The following RC3H2 variants were observed in gnomAD, a reference collection of about 807,000 sequenced individuals.
RC3H2 encodes the protein roquin-2.
RC3H2 carries 31 observed loss-of-function variants against 133.3 expected under a neutral mutation model. That is an observed-to-expected ratio of 0.23 (90% CI 0.17 to 0.31). The LOEUF (loss-of-function observed/expected upper bound fraction) is 0.31. RC3H2 is among the 10% of genes least tolerant of loss of function. The pLI, the probability that RC3H2 is intolerant of heterozygous loss-of-function variation, is 1.00. For missense variants in RC3H2, 1,175 were observed against 1,437.2 expected (o/e 0.82, Z 2.95); for synonymous variants, 517 against 502.2 (o/e 1.03, Z -0.40).
At chr9:122,869,983 T>TA (rs905206935) in intron 9 of RC3H2, among the ~76,000 whole-genome samples, 10 of 152,238 alleles carry the variant, frequency 6.6e-5, no homozygotes, top group African/African-American at 2.4e-4. Context: ...CAAAGATCCC[T>TA]ATGCCTTCCT....
chr9:122,853,239 C>T (rs976882954), intron 18 of RC3H2, among the ~76,000 whole-genome samples: 12 of 151,468 alleles, frequency 7.9e-5, no homozygotes, highest in Admixed American at 2.0e-4. Context: ...GGGACACAAA[C>T]GCTGCGGAAG....
intron 9 of RC3H2, among the ~76,000 whole-genome samples, chr9:122,875,859 G>A (rs1053755230): frequency 1.3e-5 from 2 of 152,198 alleles, no homozygotes; most frequent in Non-Finnish European, 2.9e-5. Context: ...AGATGATGCA[G>A]GGTCTTAGAG....
At chr9:122,858,233 A>G (rs781121064) in intron 12 of RC3H2, 140 bp from the exon 13 acceptor site, 22 of 711,512 alleles carry the variant, frequency 3.1e-5, no homozygotes, top group Middle Eastern at 3.3e-4. Context: ...TCTATTCTCC[A>G]TACACTTAAA....
chr9:122,856,259 T>G (rs1053527448), intron 13 of RC3H2, among the ~76,000 whole-genome samples: 1 of 152,150 alleles, frequency 6.6e-6, no homozygotes. Flanking sequence ...ATAATTTTCT[T>G]TTTTCTTTTG....
Position 122,846,158 on chromosome 9 carries a change from G to A in RC3H2, c.*3469C>T, listed in dbSNP as rs183757305. ...GCCGTGCATCCTGTAATTTTCTCAA[G>A]GCAGCATATAAAATTGGGATGTGCT... On this transcript the variant is annotated 3_prime_UTR_variant, in exon 21 of 21. Coordinates refer to ENST00000357244, the MANE Select transcript of RC3H2 (RefSeq NM_001100588.3). 1 of 152,226 alleles carries A rather than the reference G, an allele frequency of 6.6e-6. No homozygotes were observed. The highest frequency in any genetic ancestry group is 2.4e-5 in the African/African-American group (1 of 41,532). The allele number at this position is 152,226 out of a possible 1,614,324, so 9.4% of individuals were successfully genotyped here.
chr9:122,858,733 T>C lies in RC3H2; in HGVS notation c.2219A>G (p.Asp740Gly). ...TSLRERYNSL[D>G]GYYSVACQPP... ...CTGACAAGCCACCGAATAATATCCA[T>C]CTAATGAGTTATATCTTTCCCGCAA... is the stretch of plus-strand genomic sequence containing the variant. The change falls in exon 12 of 21, where the codon GAT (aspartate) becomes GGT (glycine). Residue 740 changes from aspartate to glycine, a missense_variant. Transcript: ENST00000357244. 6.2e-7 allele frequency: 1 copy of C among 1,614,144 alleles called. No homozygotes were observed. Among genetic ancestry groups the C allele is most frequent in the Non-Finnish European group, 8.5e-7 (1 of 1,180,050 alleles).
At chr9:122,875,050 CT>C (rs1479658904) in intron 9 of RC3H2, 51 of 1,035,964 alleles carry the variant, frequency 4.9e-5, no homozygotes, top group Non-Finnish European at 6.3e-5. Context: ...CTAAAAAGCT[CT>C]ATTTCAGGTA....
rs1829934894 is a variant in RC3H2, at chr9:122,849,348, C to T, written c.*279G>A. 6.5e-6 allele frequency: 1 copy of T among 152,990 alleles called. No individual in the cohort carries two copies. Among genetic ancestry groups the T allele is most frequent in the Admixed American group, 6.5e-5 (1 of 15,278 alleles). 9.5% of individuals were successfully genotyped at this position (152,990 alleles called of 1,614,324 possible). On this transcript the variant is annotated 3_prime_UTR_variant, in exon 21 of 21. Transcript: ENST00000357244. ...AGTTACTGCACCGGATTGCTACAAA[C>T]TCATAAAAAGCTGCTTGAAGCTTAA...
rs2131373276 is a variant in RC3H2 at position 122,846,988 on chromosome 9, T to C, written c.*2639A>G. 6.6e-6 allele frequency: 1 copy of C among 152,236 alleles called. No individual in the cohort carries two copies. Among genetic ancestry groups the C allele is most frequent in the African/African-American group, 2.4e-5 (1 of 41,568 alleles). The allele number at this position is 152,236 out of a possible 1,614,324, so 9.4% of individuals were successfully genotyped here. ...AGAGAATGGATGCAACACAGAATAATCTCAACACAGAAACAATTCCTATGT... is the reference window on the plus strand; with the variant it reads ...AGAGAATGGATGCAACACAGAATAACCTCAACACAGAAACAATTCCTATGT... On this transcript the variant is annotated 3_prime_UTR_variant, in exon 21 of 21. Transcript: ENST00000357244.
In RC3H2 at chr9:122,849,806, T is replaced by G. The variant is rs1239591125; in HGVS notation, c.3397A>C (p.Ile1133Leu). The G allele has an allele frequency of 6.4e-7, 1 of 1,570,846 alleles. No individual in the cohort carries two copies. The highest frequency in any genetic ancestry group is 8.6e-7 in the Non-Finnish European group (1 of 1,161,902). Reference sequence around the variant, plus strand: ...CTAAAGCAAGAAGTTACCGGCAGAATTGTTTTTTGCTCCTCCCTGAGAAAA... The same window carrying G: ...CTAAAGCAAGAAGTTACCGGCAGAAGTGTTTTTTGCTCCTCCCTGAGAAAA... ...DHVILEEQKT[I>L]LPVTSCFSQP... The change falls in exon 21 of 21, where the codon ATT becomes CTT. Residue 1133 changes from isoleucine (I) to leucine (L), a missense_variant. Physicochemically the swap from Ile to Leu is conservative, Grantham distance 5. Around this residue, in one of 8 missense-constraint regions of RC3H2, gnomAD observed 220 missense variants for 201.1 expected, o/e 1.09. Coordinates refer to ENST00000357244, the MANE Select transcript of RC3H2 (RefSeq NM_001100588.3).
intron 2 of RC3H2, among the ~76,000 whole-genome samples, chr9:122,893,424 G>C (rs1832273246): frequency 6.6e-6 from 1 of 152,194 alleles, no homozygotes; most frequent in South Asian, 2.1e-4. Flanking sequence ...AACCCGGGAG[G>C]CTGAGGTTGC....
chr9:122,898,797 G>C (rs1316650456), intron 1 of RC3H2, among the ~76,000 whole-genome samples: 1 of 148,178 alleles, frequency 6.7e-6, no homozygotes, highest in Admixed American at 6.7e-5. Flanking sequence ...AAAAGATTTA[G>C]TAGCAAAACG....
At chr9:122,888,033 C>T (rs1264345476) in intron 4 of RC3H2, among the ~76,000 whole-genome samples, 1 of 152,134 alleles carries the variant, frequency 6.6e-6, no homozygotes, top group African/African-American at 2.4e-5. Context: ...GCGTGAGCCA[C>T]TGCGCCTGGC....
At chr9:122,878,923 A>G in intron 8 of RC3H2, among the ~76,000 whole-genome samples, 1 of 131,194 alleles carries the variant, frequency 7.6e-6, no homozygotes, top group East Asian at 2.3e-4. Context: ...TCATTTTTGT[A>G]TTTTTTTTTT....
rs908086452 is a variant in RC3H2 at position 122,849,502 on chromosome 9, T to C, written c.*125A>G. ...GAAGTATCAAAGAGTCCACAGGAAA[T>C]GGATGCCCCCAGTAATATCTTTTTT... On this transcript the variant is annotated 3_prime_UTR_variant, in exon 21 of 21. Transcript: ENST00000357244. 2.1e-5 allele frequency: 6 copies of C among 287,796 alleles called. No individual in the cohort carries two copies. Among genetic ancestry groups the C allele is most frequent in the Admixed American group, 1.1e-4 (2 of 18,642 alleles). 17.8% of individuals were successfully genotyped at this position (287,796 alleles called of 1,614,324 possible). A position where few individuals can be genotyped will look rare whatever the true frequency, so the allele number is the denominator to read the frequency against.
chr9:122,877,467 T>G lies in RC3H2; in HGVS notation c.1325+4A>C. On this transcript the variant is annotated splice_donor_region_variant and intron_variant, in intron 9 of 20. Coordinates refer to ENST00000357244, the MANE Select transcript of RC3H2 (RefSeq NM_001100588.3). ...CCATATGAAACAGAATTCTCAACACTTACTTTTCAAGCTCTTCCTGAGAAT... is the reference window on the plus strand; with the variant it reads ...CCATATGAAACAGAATTCTCAACACGTACTTTTCAAGCTCTTCCTGAGAAT... 1 of 1,608,610 alleles carries G rather than the reference T, an allele frequency of 6.2e-7. No homozygotes were observed.
chr9:122,875,642 G>C (rs1831301955), intron 9 of RC3H2, among the ~76,000 whole-genome samples: 1 of 152,210 alleles, frequency 6.6e-6, no homozygotes, highest in South Asian at 2.1e-4. Flanking sequence ...AAGCTGGTTA[G>C]TATGAAGTGT....
chr9:122,849,770 G>C lies in RC3H2; in HGVS notation c.3433C>G (p.Pro1145Ala), dbSNP rs567944202. 6.3e-7 allele frequency: 1 copy of C among 1,594,642 alleles called. No homozygotes were observed. Among genetic ancestry groups the C allele is most frequent in the Admixed American group, 1.8e-5 (1 of 56,640 alleles). ...PVTSCFSQPL[P>A]VSISNASCLP... Reference sequence around the variant, plus strand: ...CAACTTGCATTGCTAATAGACACTGGGAGTGGCTGGCTAAAGCAAGAAGTT... The same window carrying C: ...CAACTTGCATTGCTAATAGACACTGCGAGTGGCTGGCTAAAGCAAGAAGTT... The change falls in exon 21 of 21, where the codon CCA becomes GCA. Residue 1145 changes from proline (P) to alanine (A), a missense_variant. Coordinates refer to ENST00000357244, the MANE Select transcript of RC3H2 (RefSeq NM_001100588.3).
rs1829852886 is a variant in RC3H2, at chr9:122,845,627, G to A, written c.*4000C>T. The A allele has an allele frequency of 6.6e-6, 1 of 152,202 alleles. No individual in the cohort carries two copies. The highest frequency in any genetic ancestry group is 1.5e-5 in the Non-Finnish European group (1 of 68,030). The allele number at this position is 152,202 out of a possible 1,614,324, so 9.4% of individuals were successfully genotyped here. A position where few individuals can be genotyped will look rare whatever the true frequency, so the allele number is the denominator to read the frequency against. On this transcript the variant is annotated 3_prime_UTR_variant, in exon 21 of 21. Transcript: ENST00000357244. The stretch of plus-strand genomic sequence containing the variant: ...ATAAGACTCCACTCAAATGTGGGGT[G>A]TTTTGATCTGTGGTCTTGACGCCTT...
Sources: allele counts gnomAD v4.1 joint callset (sites outside exome capture counted in the v4.1 genomes callset), GRCh38; gene constraint gnomAD v4.1.1; regional missense constraint gnomAD v4.1.1; transcripts MANE v1.5; gene names NCBI Gene and HGNC (gene_info 2026-07-23, HGNC 2026-07-21).